The following HEPHL1 variants were observed in gnomAD, a reference collection of about 807,000 sequenced individuals.
HEPHL1 encodes ferroxidase HEPHL1.
A neutral mutation model predicts 122.0 loss-of-function variants in HEPHL1; 123 were observed. The observed-to-expected ratio is 1.01, with a 90% CI of 0.87 to 1.17. HEPHL1 has a LOEUF of 1.17. Ranked by LOEUF, HEPHL1 falls within the 50% of genes most tolerant of loss-of-function variation. The probability of loss-of-function intolerance (pLI) is 0.00; values close to 1 mark genes in which losing one functional copy is unlikely to be tolerated. For synonymous variants in HEPHL1, 527 were observed against 508.9 expected (o/e 1.04, Z -0.48); for missense variants, 1,452 against 1,430.5 (o/e 1.01, Z -0.24).
intron 2 of HEPHL1, among the ~76,000 whole-genome samples, chr11:94,050,429 A>G: frequency 6.6e-6 from 1 of 152,114 alleles, no homozygotes; most frequent in East Asian, 1.9e-4. Flanking sequence ...GGAAGAAAGC[A>G]TTTTGTCTTC....
intron 13 of HEPHL1, among the ~76,000 whole-genome samples, chr11:94,098,683 C>G (rs751581879): frequency 6.6e-6 from 1 of 152,214 alleles, no homozygotes; most frequent in Non-Finnish European, 1.5e-5. Flanking sequence ...TTCACATAGT[C>G]CTATATTTCT....
Position 94,064,308 on chromosome 11 carries a change from A to T in HEPHL1, c.629-23A>T, listed in dbSNP as rs765884602. 1.4e-4 allele frequency: 217 copies of T among 1,577,342 alleles called. 8 individuals carry two copies. In the South Asian group the frequency reaches 2.1e-3, roughly 15 times the overall value. ...CATCTTGATTTAGTTCTTTCTCTCT[A>T]CTCTTTTGAATGTGCCTGACAGGTA... On this transcript the variant is annotated intron_variant, in intron 3 of 19. Coordinates refer to ENST00000315765, the MANE Select transcript of HEPHL1 (RefSeq NM_001098672.2).
At chr11:94,029,276 T>C (rs1284981163) in intron 1 of HEPHL1, among the ~76,000 whole-genome samples, 1 of 152,238 alleles carries the variant, frequency 6.6e-6, no homozygotes, top group Non-Finnish European at 1.5e-5. Context: ...CTATGGGTTC[T>C]CTTCACTGTC....
At chr11:94,070,223 G>C in intron 5 of HEPHL1, 151 bp from the exon 6 acceptor site, 1 of 564,098 alleles carries the variant, frequency 1.8e-6, no homozygotes, top group Non-Finnish European at 2.9e-6. Context: ...CCCTCCTGTT[G>C]CCATTTATCC....
chr11:94,095,330 C>T (rs1264130025), intron 13 of HEPHL1, among the ~76,000 whole-genome samples: 1 of 152,130 alleles, frequency 6.6e-6, no homozygotes, highest in Non-Finnish European at 1.5e-5. Flanking sequence ...TTTCTGAGGG[C>T]TCTGTTCTGT....
At chr11:94,089,913 T>C (rs1053686407) in intron 12 of HEPHL1, among the ~76,000 whole-genome samples, 1 of 152,096 alleles carries the variant, frequency 6.6e-6, no homozygotes, top group Non-Finnish European at 1.5e-5. Context: ...CTTTGTTCTT[T>C]ATTGCCACCT....
chr11:94,070,245 A>C lies in HEPHL1; in HGVS notation c.1064-129A>C, dbSNP rs79310482. On this transcript the variant is annotated intron_variant, in intron 5 of 19. Transcript: ENST00000315765. ...GTTGCCATTTATCCTTTTTAAAAAA[A>C]CTTTCTTTATGGTCCAATTTTCTGT... The C allele has an allele frequency of 7.5e-6, 6 of 800,428 alleles. No homozygotes were observed. In the South Asian group the frequency reaches 1.5e-4, roughly 19 times the overall value. The allele number at this position is 800,428 out of a possible 1,614,324, so 49.6% of individuals were successfully genotyped here.
chr11:94,042,891 A>AAAAAAAAAAAAAAAAAAAAAAAAAAAC (rs762818935), intron 1 of HEPHL1, among the ~76,000 whole-genome samples: 1 of 148,964 alleles, frequency 6.7e-6, no homozygotes, highest in East Asian at 2.2e-4. Flanking sequence ...AAAAAAAAAA[A>AAAAAAAAAAAAAAAAAAAAAAAAAAAC]AACTGCATGA....
chr11:94,082,379 G>T (rs1226468553), intron 9 of HEPHL1, 39 bp from the exon 10 acceptor site: 1 of 1,520,526 alleles, frequency 6.6e-7, no homozygotes, highest in South Asian at 1.2e-5. Flanking sequence ...ATTCCTCCAA[G>T]CTGTACCTTT....
At chr11:94,080,025 A>G (rs993922942) in intron 9 of HEPHL1, among the ~76,000 whole-genome samples, 1 of 152,230 alleles carries the variant, frequency 6.6e-6, no homozygotes, top group African/African-American at 2.4e-5. Context: ...TAGAAGCATC[A>G]TACTACCCGA....
At chr11:94,036,080 A>G (rs1372459061) in intron 1 of HEPHL1, among the ~76,000 whole-genome samples, 1 of 152,020 alleles carries the variant, frequency 6.6e-6, no homozygotes, top group Non-Finnish European at 1.5e-5. Context: ...CTTTCCTTTT[A>G]TACCACCACT....
At chr11:94,024,175 G>T (rs1396770689) in intron 1 of HEPHL1, among the ~76,000 whole-genome samples, 1 of 152,176 alleles carries the variant, frequency 6.6e-6, no homozygotes, top group Non-Finnish European at 1.5e-5. Context: ...AAAGGACCAG[G>T]AGAGCCAGGT....
intron 1 of HEPHL1, among the ~76,000 whole-genome samples, chr11:94,030,280 A>G (rs1055061094): frequency 6.6e-6 from 1 of 152,126 alleles, no homozygotes; most frequent in African/African-American, 2.4e-5. Context: ...CTTGGGGATG[A>G]CTCAGTTCTT....
Position 94,067,660 on chromosome 11 carries a change from C to T in HEPHL1, c.973C>T (p.Leu325=). ...AGGGCATCGGACTGATGTCGTCAAC[C>T]TGTTCCCAGCCACCTTCCTTACAAC... ...SRGHRTDVVN[L]FPATFLTTEM... Residue 325 remains leucine (L), a synonymous_variant, in exon 5 of 20, where the codon CTG becomes TTG. Coordinates refer to ENST00000315765, the MANE Select transcript of HEPHL1 (RefSeq NM_001098672.2). 6.2e-7 allele frequency: 1 copy of T among 1,613,778 alleles called. No individual in the cohort carries two copies. The highest frequency in any genetic ancestry group is 8.5e-7 in the Non-Finnish European group (1 of 1,179,748).
intron 5 of HEPHL1, among the ~76,000 whole-genome samples, chr11:94,068,282 G>C (rs1435282594): frequency 1.3e-5 from 2 of 152,168 alleles, no homozygotes; most frequent in Non-Finnish European, 2.9e-5. Context: ...GGACTTTCTG[G>C]ATAATAAGGA....
intron 1 of HEPHL1, among the ~76,000 whole-genome samples, chr11:94,023,286 TAAG>T (rs1298124491): frequency 6.6e-6 from 1 of 152,200 alleles, no homozygotes; most frequent in Non-Finnish European, 1.5e-5. Flanking sequence ...ATCACAGTAA[TAAG>T]AACTTTCTAG....
intron 1 of HEPHL1, among the ~76,000 whole-genome samples, chr11:94,028,214 C>T (rs1318410745): frequency 6.6e-6 from 1 of 152,150 alleles, no homozygotes; most frequent in East Asian, 1.9e-4. Context: ...TGCTTCCCAA[C>T]TAGATGGTAA....
chr11:94,085,894 CT>C lies in HEPHL1; in HGVS notation c.1868-79del, dbSNP rs373044192. On this transcript the variant is annotated intron_variant, in intron 10 of 19. Coordinates refer to ENST00000315765, the MANE Select transcript of HEPHL1 (RefSeq NM_001098672.2). ...CTGTTTATTCTCTGAAAACAAGGAT[CT>C]TTTGTAAACAGTTTACATATTTGAA... 236 of 971,406 alleles carry C rather than the reference CT, an allele frequency of 2.4e-4. No individual in the cohort carries two copies. The African/African-American group carries it at 3.6e-3, about 15-fold the overall frequency. The allele number at this position is 971,406 out of a possible 1,614,324, so 60.2% of individuals were successfully genotyped here. A position where few individuals can be genotyped will look rare whatever the true frequency, so the allele number is the denominator to read the frequency against.
intron 1 of HEPHL1, among the ~76,000 whole-genome samples, chr11:94,027,045 C>A (rs1945631553): frequency 6.6e-6 from 1 of 152,178 alleles, no homozygotes; most frequent in South Asian, 2.1e-4. Context: ...GGCCACAATG[C>A]CTCTGGAGGT....
Sources: allele counts gnomAD v4.1 joint callset (sites outside exome capture counted in the v4.1 genomes callset), GRCh38; gene constraint gnomAD v4.1.1; transcripts MANE v1.5; gene names NCBI Gene and HGNC (gene_info 2026-07-23, HGNC 2026-07-21).